PGCKA1: variants seen among roughly 807,000 people sequenced by gnomAD.
PGCKA1 encodes PDCD10 and GCKIII kinases associated 1.
At chr4:37,501,825 C>A in the PGCKA1 span, among the ~76,000 whole-genome samples, 5 of 152,308 alleles carry the variant, frequency 3.3e-5, no homozygotes, top group African/African-American at 1.2e-4. Context: ...GGATAGAAGG[C>A]ACTCTGGTTT....
the PGCKA1 span, among the ~76,000 whole-genome samples, chr4:37,521,354 C>G: frequency 8.5e-5 from 13 of 152,258 alleles, 1 homozygote; most frequent in East Asian, 2.5e-3. Flanking sequence ...ACCTTTGAAC[C>G]CACCCAGGGC....
At chr4:37,589,203 C>T in the PGCKA1 span, among the ~76,000 whole-genome samples, 8 of 152,208 alleles carry the variant, frequency 5.3e-5, no homozygotes, top group Non-Finnish European at 4.4e-5. Flanking sequence ...ACCCCAATCA[C>T]ATATGTGCTT....
At chr4:37,537,973 G>T in the PGCKA1 span, among the ~76,000 whole-genome samples, 1 of 152,056 alleles carries the variant, frequency 6.6e-6, no homozygotes, top group Non-Finnish European at 1.5e-5. Context: ...ATGCTCAAGT[G>T]TCAGATACCA....
the PGCKA1 span, among the ~76,000 whole-genome samples, chr4:37,462,212 T>C: frequency 6.6e-6 from 1 of 152,230 alleles, no homozygotes; most frequent in Non-Finnish European, 1.5e-5. Context: ...GAAATAGTTC[T>C]TTATGTAGTT....
the PGCKA1 span, among the ~76,000 whole-genome samples, chr4:37,473,045 A>G: frequency 2.0e-5 from 3 of 152,318 alleles, no homozygotes; most frequent in Admixed American, 1.3e-4. Context: ...GGGGACTTAG[A>G]TGAGAAGACT....
the PGCKA1 span, among the ~76,000 whole-genome samples, chr4:37,519,270 A>C: frequency 7.0e-6 from 1 of 142,710 alleles, no homozygotes; most frequent in Non-Finnish European, 1.5e-5. Flanking sequence ...GTTCCATATA[A>C]ATTTTTAGGA....
the PGCKA1 span, among the ~76,000 whole-genome samples, chr4:37,458,626 G>T: frequency 6.6e-6 from 1 of 152,178 alleles, no homozygotes; most frequent in Non-Finnish European, 1.5e-5. Context: ...TTCATCACAT[G>T]TTGGCTCAAC....
At chr4:37,511,687 G>A in the PGCKA1 span, among the ~76,000 whole-genome samples, 183 of 152,272 alleles carry the variant, frequency 1.2e-3, no homozygotes, top group African/African-American at 4.2e-3. Context: ...CATGATGTAG[G>A]CACTCCCTTA....
the PGCKA1 span, among the ~76,000 whole-genome samples, chr4:37,483,876 G>A: frequency 6.6e-6 from 1 of 152,154 alleles, no homozygotes; most frequent in South Asian, 2.1e-4. Context: ...AGATGCATGG[G>A]AACTAAAGTT....
the PGCKA1 span, among the ~76,000 whole-genome samples, chr4:37,576,820 A>G: frequency 6.6e-6 from 1 of 151,782 alleles, no homozygotes; most frequent in Admixed American, 6.6e-5. Flanking sequence ...CCTTTTCAGC[A>G]TCAGTTGAAA....
At chr4:37,518,586 A>G in the PGCKA1 span, among the ~76,000 whole-genome samples, 5 of 152,194 alleles carry the variant, frequency 3.3e-5, no homozygotes, top group African/African-American at 1.2e-4. Context: ...AGAAATGTCT[A>G]TTCAAATCTT....
the PGCKA1 span, among the ~76,000 whole-genome samples, chr4:37,567,066 AAAAATAAAAT>A: frequency 1.3e-5 from 2 of 149,934 alleles, no homozygotes; most frequent in Non-Finnish European, 3.0e-5. Context: ...GCGGACAAAA[AAAAATAAAAT>A]AAAATAAAAT....
At chr4:37,496,106 G>T in the PGCKA1 span, among the ~76,000 whole-genome samples, 6 of 152,174 alleles carry the variant, frequency 3.9e-5, no homozygotes, top group Admixed American at 6.5e-5. Context: ...TAGCTGTGCA[G>T]AAGCTCTTTT....
chr4:37,554,712 G>C, the PGCKA1 span, among the ~76,000 whole-genome samples: 8 of 152,196 alleles, frequency 5.3e-5, no homozygotes, highest in Non-Finnish European at 1.0e-4. Flanking sequence ...CCTGGAGAAA[G>C]TGGTGTGTGA....
the PGCKA1 span, among the ~76,000 whole-genome samples, chr4:37,459,925 T>A: frequency 6.6e-6 from 1 of 151,560 alleles, no homozygotes; most frequent in African/African-American, 2.4e-5. Flanking sequence ...TTGCTGCACC[T>A]GTCAACCCAT....
the PGCKA1 span, among the ~76,000 whole-genome samples, chr4:37,592,431 C>T: frequency 6.6e-6 from 1 of 151,424 alleles, no homozygotes; most frequent in African/African-American, 2.4e-5. Context: ...AGAGCCATAG[C>T]TTTGGCTTTC....
chr4:37,468,306 C>G, the PGCKA1 span, among the ~76,000 whole-genome samples: 1 of 152,146 alleles, frequency 6.6e-6, no homozygotes, highest in Admixed American at 6.5e-5. Flanking sequence ...ATTGTCAACC[C>G]CTCATGTTGT....
At chr4:37,496,707 T>C in the PGCKA1 span, among the ~76,000 whole-genome samples, 1 of 152,224 alleles carries the variant, frequency 6.6e-6, no homozygotes, top group Non-Finnish European at 1.5e-5. Context: ...ATGGCCATTT[T>C]ATTGGTTCTT....
chr4:37,527,131 A>G, the PGCKA1 span, among the ~76,000 whole-genome samples: 2 of 152,116 alleles, frequency 1.3e-5, no homozygotes, highest in Non-Finnish European at 2.9e-5. Context: ...AAAAGTATAT[A>G]TAATAAGACT....
Sources: allele counts gnomAD v4.1 joint callset (sites outside exome capture counted in the v4.1 genomes callset), GRCh38; gene constraint gnomAD v4.1.1; transcripts MANE v1.5; gene names NCBI Gene and HGNC (gene_info 2026-07-23, HGNC 2026-07-21).